The following NRG3 variants were observed in gnomAD, a reference collection of about 807,000 sequenced individuals.
NRG3 encodes pro-neuregulin-3, membrane-bound isoform.
A neutral mutation model predicts 66.9 loss-of-function variants in NRG3; 31 were observed. The observed-to-expected ratio is 0.46, with a 90% CI of 0.35 to 0.63. The LOEUF (loss-of-function observed/expected upper bound fraction) is 0.63, where lower values mean the gene tolerates loss of function less well. Among genes scored for constraint, NRG3 ranks in the 20% least tolerant of loss-of-function variants. NRG3 has a pLI of 0.00. For synonymous variants in NRG3, 393 were observed against 359.4 expected (o/e 1.09, Z -1.06); for missense variants, 910 against 878.9 (o/e 1.04, Z -0.45).
intron 6 of NRG3, 44 bp downstream of exon 6, chr10:82,959,119 T>C: frequency 6.6e-7 from 1 of 1,524,020 alleles, no homozygotes; most frequent in Non-Finnish European, 8.8e-7. Flanking sequence ...CCTACCTCAG[T>C]GCTTCCAGCT....
chr10:82,152,834 CTCTTTT>C (rs1470151684), intron 1 of NRG3, among the ~76,000 whole-genome samples: 1 of 146,640 alleles, frequency 6.8e-6, no homozygotes, highest in Non-Finnish European at 1.5e-5. Flanking sequence ...CTTTCTCTTT[CTCTTTT>C]TCTTTCTTTC....
rs557804253 is a variant in NRG3 at position 82,420,125 on chromosome 10, G to A, written c.953+61257G>A. On this transcript the variant is annotated intron_variant, in intron 2 of 8. Transcript: ENST00000372141. ...GTACTTCCTTTTGAAATATCTGGCT[G>A]CAGTTGGCCTATAGCTCAGTCTGGG... Among the ~76,000 whole-genome samples, 22 of 152,228 alleles carry A rather than the reference G, an allele frequency of 1.4e-4. No homozygotes were observed. In the South Asian group the frequency reaches 4.6e-3, roughly 32 times the overall value.
chr10:82,450,208 T>G (rs1283473198), intron 2 of NRG3, among the ~76,000 whole-genome samples: 1 of 152,186 alleles, frequency 6.6e-6, no homozygotes, highest in Non-Finnish European at 1.5e-5. Context: ...AAGTTAGGAT[T>G]TAATTACCCC....
intron 1 of NRG3, among the ~76,000 whole-genome samples, chr10:82,001,065 C>T (rs957284803): frequency 2.0e-5 from 3 of 151,998 alleles, no homozygotes; most frequent in African/African-American, 7.2e-5. Flanking sequence ...GAAAACAATT[C>T]TCCCTGAACA....
chr10:82,791,503 C>T (rs747765067), intron 3 of NRG3, among the ~76,000 whole-genome samples: 3 of 152,068 alleles, frequency 2.0e-5, no homozygotes, highest in Non-Finnish European at 2.9e-5. Context: ...TGGGGCAAGC[C>T]TTCAGTGCTC....
intron 1 of NRG3, among the ~76,000 whole-genome samples, chr10:81,913,748 G>A (rs544099248): frequency 6.6e-6 from 1 of 152,176 alleles, no homozygotes; most frequent in East Asian, 1.9e-4. Context: ...AGAGATGGTT[G>A]GTGAATCCAC....
intron 1 of NRG3, among the ~76,000 whole-genome samples, chr10:82,234,590 T>C (rs1407587133): frequency 6.6e-6 from 1 of 152,234 alleles, no homozygotes; most frequent in African/African-American, 2.4e-5. Context: ...AAATAATTGT[T>C]GAATGAATGA....
chr10:82,684,087 A>G (rs2134146037), intron 2 of NRG3, among the ~76,000 whole-genome samples: 1 of 152,316 alleles, frequency 6.6e-6, no homozygotes, highest in East Asian at 1.9e-4. Context: ...ACAATAAAGT[A>G]GCATTAGCTC....
At chr10:82,309,607 A>G (rs1218888131) in intron 1 of NRG3, among the ~76,000 whole-genome samples, 1 of 152,148 alleles carries the variant, frequency 6.6e-6, no homozygotes, top group Admixed American at 6.5e-5. Flanking sequence ...TGCAGGGAAA[A>G]GAGGGTAGAC....
chr10:82,230,248 A>G (rs2076392931), intron 1 of NRG3: 1 of 152,172 alleles, frequency 6.6e-6, no homozygotes, highest in African/African-American at 2.4e-5. Flanking sequence ...TCTTCAAGAG[A>G]TTAGTTCCAG....
At chr10:82,240,629 T>C (rs17730819) in intron 1 of NRG3, among the ~76,000 whole-genome samples, 12 of 152,034 alleles carry the variant, frequency 7.9e-5, no homozygotes, top group Non-Finnish European at 1.3e-4. Context: ...ATGGCCTCAA[T>C]TGAAATGCTT....
Position 81,875,469 on chromosome 10 carries a change from A to AGGGGCGAG in NRG3, c.135_136insAGGGGGCG (p.Ala46ArgfsTer60). On this transcript the variant is annotated frameshift_variant, in exon 1 of 9. Transcript: ENST00000372141. LOFTEE classifies it high-confidence loss of function. This position sits in a 1 kb window ranked among gnomAD's most constrained non-coding sequence, Gnocchi z 5.3. ...GCGGGGGCCCGGACGGCGGCGGCGA[A>AGGGGCGAG]GGGGCGGCCGAGCCCCCCCGGGAGT... 1 of 1,273,598 alleles carries AGGGGCGAG rather than the reference A, an allele frequency of 7.9e-7. No homozygotes were observed. 78.9% of individuals were successfully genotyped at this position (1,273,598 alleles called of 1,614,324 possible).
intron 2 of NRG3, among the ~76,000 whole-genome samples, chr10:82,629,999 G>T (rs2049704130): frequency 6.6e-6 from 1 of 152,078 alleles, no homozygotes; most frequent in Non-Finnish European, 1.5e-5. Context: ...ACACCAAAGG[G>T]AATCCAGGGA....
rs554457923 is a variant in NRG3, at chr10:82,847,422, T to C, written c.1028-17989T>C. ...TAGATATATTATCTAATTTAATTGTTTTACAAATTACATGCATTTCATTTC... is the reference window on the plus strand; with the variant it reads ...TAGATATATTATCTAATTTAATTGTCTTACAAATTACATGCATTTCATTTC... On this transcript the variant is annotated intron_variant, in intron 3 of 8. Transcript: ENST00000372141. Among the ~76,000 whole-genome samples the C allele has an allele frequency of 2.0e-5, 3 of 152,262 alleles. No homozygotes were observed. In the East Asian group the frequency reaches 5.8e-4, roughly 29 times the overall value.
intron 3 of NRG3, among the ~76,000 whole-genome samples, chr10:82,801,091 G>T (rs2135434569): frequency 6.6e-6 from 1 of 152,272 alleles, no homozygotes. Flanking sequence ...TACTTCAAAT[G>T]ACTGAGTCCT....
intron 2 of NRG3, among the ~76,000 whole-genome samples, chr10:82,446,936 C>T (rs1354998380): frequency 1.3e-5 from 2 of 152,124 alleles, no homozygotes; most frequent in East Asian, 1.9e-4. Flanking sequence ...ATCTATATAC[C>T]TGCTCCCAGA....
chr10:81,930,009 G>T (rs1361806633), intron 1 of NRG3, among the ~76,000 whole-genome samples: 1 of 152,146 alleles, frequency 6.6e-6, no homozygotes, highest in African/African-American at 2.4e-5. Context: ...ATATCCCAGA[G>T]TCTCTGCTCC....
intron 3 of NRG3, among the ~76,000 whole-genome samples, chr10:82,816,370 G>T (rs891920244): frequency 2.0e-5 from 3 of 152,132 alleles, no homozygotes; most frequent in South Asian, 2.1e-4. Flanking sequence ...GCTCCTTTCC[G>T]CAGGCAGGTC....
chr10:82,281,628 GTAAT>G (rs1470394777), intron 1 of NRG3, among the ~76,000 whole-genome samples: 1 of 152,144 alleles, frequency 6.6e-6, no homozygotes, highest in Admixed American at 6.5e-5. Context: ...AGTGGCTCCT[GTAAT>G]TGAGTCCTGA....
Sources: allele counts gnomAD v4.1 joint callset (sites outside exome capture counted in the v4.1 genomes callset), GRCh38; gene constraint gnomAD v4.1.1; non-coding constraint Gnocchi (gnomAD v3.1); transcripts MANE v1.5; gene names NCBI Gene and HGNC (gene_info 2026-07-23, HGNC 2026-07-21).